EDIL3: variants seen among roughly 807,000 people sequenced by gnomAD.
EDIL3 encodes EGF-like repeat and discoidin I-like domain-containing protein 3.
In EDIL3, 37 loss-of-function variants were observed where a neutral mutation model predicts 67.4. The observed-to-expected ratio is 0.55, with a 90% CI of 0.42 to 0.72. The LOEUF is 0.72. Among genes scored for constraint, EDIL3 ranks in the 30% least tolerant of loss-of-function variants. The pLI is 0.00. For missense variants in EDIL3, 527 were observed against 586.3 expected (o/e 0.90, Z 1.04); for synonymous variants, 195 against 196.3 (o/e 0.99, Z 0.05).
intron 3 of EDIL3, among the ~76,000 whole-genome samples, chr5:84,229,624 C>T (rs549936102): frequency 1.1e-3 from 172 of 151,974 alleles, no homozygotes; most frequent in African/African-American, 3.9e-3. Flanking sequence ...ATTGTATTTT[C>T]CTCTGTATTA....
At chr5:84,349,289 G>A (rs1354522163) in intron 1 of EDIL3, among the ~76,000 whole-genome samples, 2 of 152,126 alleles carry the variant, frequency 1.3e-5, no homozygotes, top group Admixed American at 1.3e-4. Flanking sequence ...GCCGTTCCAT[G>A]TGTGTTCTCT....
chr5:84,148,984 A>C (rs570275854), intron 4 of EDIL3, among the ~76,000 whole-genome samples: 115 of 151,952 alleles, frequency 7.6e-4, no homozygotes, highest in Middle Eastern at 3.4e-3. Flanking sequence ...AAAAAAAAAA[A>C]AAAAAAACCT....
At chr5:84,038,567 G>A (rs182240344) in intron 9 of EDIL3, among the ~76,000 whole-genome samples, 12 of 152,318 alleles carry the variant, frequency 7.9e-5, no homozygotes, top group Non-Finnish European at 1.8e-4. Flanking sequence ...GTTAGACCAG[G>A]ATAGCTCCCC....
chr5:84,147,544 CA>C (rs138792670), intron 4 of EDIL3, among the ~76,000 whole-genome samples: 2,562 of 152,100 alleles, frequency 0.017, 74 homozygotes, highest in African/African-American at 0.058. Context: ...TTTGAAGATA[CA>C]AACTATATGA....
At chr5:84,186,409 A>G (rs80330932) in intron 3 of EDIL3, among the ~76,000 whole-genome samples, 6,664 of 152,076 alleles carry the variant, frequency 0.044, 223 homozygotes, top group Middle Eastern at 0.11. Context: ...AATTTGGGAT[A>G]AGCACTTTGT....
intron 5 of EDIL3, among the ~76,000 whole-genome samples, chr5:84,130,035 T>A (rs1205314713): frequency 6.6e-6 from 1 of 152,166 alleles, no homozygotes; most frequent in Admixed American, 6.5e-5. Context: ...TTGAGGATTC[T>A]CAAAGGATCT....
chr5:84,076,070 C>T (rs1290918213), intron 6 of EDIL3, among the ~76,000 whole-genome samples: 1 of 151,292 alleles, frequency 6.6e-6, no homozygotes, highest in South Asian at 2.1e-4. Flanking sequence ...ATTAACACTA[C>T]ATTTTTATGA....
intron 6 of EDIL3, among the ~76,000 whole-genome samples, chr5:84,080,303 A>AAAAAAAAAAAAAAC: frequency 6.7e-6 from 1 of 148,648 alleles, no homozygotes; most frequent in Non-Finnish European, 1.5e-5. Flanking sequence ...TGTCTCAAAA[A>AAAAAAAAAAAAAAC]AAAAAAAAAA....
chr5:84,282,515 T>G (rs111969474), intron 1 of EDIL3, among the ~76,000 whole-genome samples: 4,194 of 152,324 alleles, frequency 0.028, 213 homozygotes, highest in African/African-American at 0.097. Flanking sequence ...TTCATTCTCC[T>G]GTTTACAGAT....
At chr5:84,128,605 C>T (rs1484158105) in intron 5 of EDIL3, among the ~76,000 whole-genome samples, 1 of 151,938 alleles carries the variant, frequency 6.6e-6, no homozygotes, top group Non-Finnish European at 1.5e-5. Context: ...TTTGGGTTGT[C>T]CCCCTGCTCC....
chr5:84,266,262 G>T (rs1248132338), intron 1 of EDIL3, among the ~76,000 whole-genome samples: 3 of 152,092 alleles, frequency 2.0e-5, no homozygotes, highest in Non-Finnish European at 4.4e-5. Context: ...GTGGTATTCA[G>T]TCTCTGTATC....
intron 9 of EDIL3, among the ~76,000 whole-genome samples, chr5:84,009,855 A>AT (rs1469192918): frequency 6.6e-6 from 1 of 152,114 alleles, no homozygotes; most frequent in Non-Finnish European, 1.5e-5. Context: ...ACTACGCACA[A>AT]TTCTTCTTTC....
chr5:84,060,932 G>A (rs1052925914), intron 8 of EDIL3, among the ~76,000 whole-genome samples: 2 of 152,092 alleles, frequency 1.3e-5, no homozygotes, highest in African/African-American at 2.4e-5. Context: ...AATTCCCTCA[G>A]TACAAAGTCA....
intron 1 of EDIL3, among the ~76,000 whole-genome samples, chr5:84,329,553 G>A (rs141566988): frequency 5.9e-5 from 9 of 152,060 alleles, no homozygotes; most frequent in African/African-American, 1.4e-4. Context: ...TTTGTTGGAC[G>A]TTAGTCTGTT....
intron 2 of EDIL3, among the ~76,000 whole-genome samples, chr5:84,246,402 T>C (rs1297000337): frequency 6.6e-6 from 1 of 152,184 alleles, no homozygotes; most frequent in African/African-American, 2.4e-5. Context: ...CAGATATGAG[T>C]GCAACAAAGA....
chr5:84,202,325 A>G (rs894640832), intron 3 of EDIL3, among the ~76,000 whole-genome samples: 1 of 152,186 alleles, frequency 6.6e-6, no homozygotes. Context: ...ATATACTCCA[A>G]GAACTTCTGG....
chr5:84,225,225 T>G (rs1396562809), intron 3 of EDIL3, among the ~76,000 whole-genome samples: 1 of 151,642 alleles, frequency 6.6e-6, no homozygotes, highest in Non-Finnish European at 1.5e-5. Context: ...AATAAGGGGA[T>G]GCATGCCTAC....
At chr5:84,051,083 C>T (rs956734021) in intron 9 of EDIL3, among the ~76,000 whole-genome samples, 6 of 152,274 alleles carry the variant, frequency 3.9e-5, no homozygotes, top group Middle Eastern at 6.8e-3. Context: ...AGACTGACAC[C>T]TCACACAGCT....
intron 5 of EDIL3, among the ~76,000 whole-genome samples, chr5:84,121,533 A>AGATCGATC (rs374601994): frequency 0.027 from 2,720 of 100,776 alleles, 83 homozygotes; most frequent in African/African-American, 0.087. Context: ...TCACTAACTT[A>AGATCGATC]GATCGATCTA....
Sources: allele counts gnomAD v4.1 joint callset (sites outside exome capture counted in the v4.1 genomes callset), GRCh38; gene constraint gnomAD v4.1.1; transcripts MANE v1.5; gene names NCBI Gene and HGNC (gene_info 2026-07-23, HGNC 2026-07-21).